The following SLC45A4 variants were observed in gnomAD, a reference collection of about 807,000 sequenced individuals.
The protein encoded by SLC45A4 is polyamine-transporter SLC45A4.
SLC45A4 carries 32 observed loss-of-function variants against 63.7 expected under a neutral mutation model. The ratio of observed to expected loss-of-function variants is 0.50; its 90% CI spans 0.38 to 0.67. The LOEUF (loss-of-function observed/expected upper bound fraction) is 0.67, where lower values mean the gene tolerates loss of function less well. Among genes scored for constraint, SLC45A4 ranks in the 30% least tolerant of loss-of-function variants. SLC45A4 has a pLI of 0.00. For synonymous variants in SLC45A4, 535 were observed against 510.0 expected (o/e 1.05, Z -0.66); for missense variants, 1,027 against 1,157.7 (o/e 0.89, Z 1.64).
At chr8:141,230,897 G>GC (rs1827312662) in intron 2 of SLC45A4, among the ~76,000 whole-genome samples, 1 of 152,202 alleles carries the variant, frequency 6.6e-6, no homozygotes, top group Admixed American at 6.5e-5. Context: ...AACCAGGCCT[G>GC]CCCCACCCGG....
In SLC45A4 at chr8:141,254,983, A is replaced by T. The variant is rs573703778; in HGVS notation, c.-400-354T>A. On this transcript the variant is annotated intron_variant, in intron 1 of 8. Transcript: ENST00000517878. This position sits in a 1 kb window ranked among gnomAD's most constrained non-coding sequence, Gnocchi z 4.5. ...GTAACTATTCCAGCAGGCTGGAGGCAGCTGGCGACACCCTTTGTGGCTGCA... is the reference window on the plus strand; with the variant it reads ...GTAACTATTCCAGCAGGCTGGAGGCTGCTGGCGACACCCTTTGTGGCTGCA... 6.6e-6 allele frequency among the ~76,000 whole-genome samples: 1 copy of T among 152,340 alleles called. No homozygotes were observed. The highest frequency in any genetic ancestry group is 1.5e-5 in the Non-Finnish European group (1 of 68,036).
At chr8:141,285,675 C>T (rs559195597) in intron 1 of SLC45A4, among the ~76,000 whole-genome samples, 6 of 152,336 alleles carry the variant, frequency 3.9e-5, no homozygotes, top group Middle Eastern at 3.4e-3. Context: ...CCTGGGATAA[C>T]GAGGACCAAC....
At chr8:141,257,964 C>T (rs1040470800) in intron 1 of SLC45A4, among the ~76,000 whole-genome samples, 2 of 152,198 alleles carry the variant, frequency 1.3e-5, no homozygotes, top group East Asian at 3.9e-4. Flanking sequence ...AGACCAGACA[C>T]TGAAGCTTTC....
Position 141,211,572 on chromosome 8 carries a change from C to A in SLC45A4, c.2427G>T (p.Ter809TyrextTer66). Residue 809 changes from the stop codon to tyrosine, a stop_lost, in exon 9 of 9, where the codon TAG becomes TAT. Transcript: ENST00000517878. The stretch of plus-strand genomic sequence containing the variant: ...GAGGAAAAGAAGATACGTCATTCTT[C>A]TAAGAGAACCACATTGTGGAAAAGA... Reference protein sequence around the residue: ...KIFFSTMWFS* With the variant: ...KIFFSTMWFSY 1.9e-6 allele frequency: 3 copies of A among 1,613,290 alleles called. No homozygotes were observed. Among genetic ancestry groups the A allele is most frequent in the Non-Finnish European group, 1.7e-6 (2 of 1,179,954 alleles).
At chr8:141,246,570 T>C (rs1455070978) in intron 2 of SLC45A4, among the ~76,000 whole-genome samples, 1 of 152,292 alleles carries the variant, frequency 6.6e-6, no homozygotes, top group African/African-American at 2.4e-5. Context: ...ATCCCCTCGA[T>C]GCTGCCATAT....
At chr8:141,307,686 G>A (rs1454861133) in intron 1 of SLC45A4, among the ~76,000 whole-genome samples, 4 of 152,012 alleles carry the variant, frequency 2.6e-5, no homozygotes, top group Non-Finnish European at 4.4e-5. Context: ...ACAGGGTCAG[G>A]ACCAGGAGTT....
rs1294662175 is a variant in SLC45A4, at chr8:141,219,925, G to A, written c.431-96C>T. 4.1e-6 allele frequency: 5 copies of A among 1,214,038 alleles called. No homozygotes were observed. The Admixed American group carries it at 8.3e-5, about 20-fold the overall frequency. 75.2% of individuals were successfully genotyped at this position (1,214,038 alleles called of 1,614,324 possible). A position where few individuals can be genotyped will look rare whatever the true frequency, so the allele number is the denominator to read the frequency against. ...CACATGGAAGGGGCATGCGGAGGGG[G>A]CACGGCCACAAAACCATGCCAGCCT... On this transcript the variant is annotated intron_variant, in intron 3 of 8. Transcript: ENST00000517878.
intron 2 of SLC45A4, among the ~76,000 whole-genome samples, chr8:141,222,851 A>C (rs1826735550): frequency 6.6e-6 from 1 of 152,216 alleles, no homozygotes; most frequent in Non-Finnish European, 1.5e-5. Context: ...CAGTGGCTGA[A>C]GCGGGGTCGG....
intron 7 of SLC45A4, among the ~76,000 whole-genome samples, chr8:141,213,811 C>A (rs1825977149): frequency 6.6e-6 from 1 of 152,188 alleles, no homozygotes; most frequent in South Asian, 2.1e-4. Context: ...GGTGTTATCA[C>A]TATAGGTTCC....
chr8:141,216,372 G>T (rs557992010), intron 6 of SLC45A4, among the ~76,000 whole-genome samples: 1 of 152,318 alleles, frequency 6.6e-6, no homozygotes, highest in Non-Finnish European at 1.5e-5. Flanking sequence ...ACACATTTTT[G>T]CTGGTTTTTC....
At position 141,254,035 on chromosome 8, in the gene SLC45A4, A is replaced by G; in HGVS notation, c.195T>C (p.Cys65=). 2.0e-6 allele frequency: 3 copies of G among 1,536,132 alleles called. No individual in the cohort carries two copies. The highest frequency in any genetic ancestry group is 2.6e-6 in the Non-Finnish European group (3 of 1,146,904). Residue 65 remains cysteine, a synonymous_variant, in exon 2 of 9, where the codon TGT becomes TGC. Coordinates refer to ENST00000517878, the MANE Select transcript of SLC45A4 (RefSeq NM_001286646.2). This position sits in a 1 kb window ranked among gnomAD's most constrained non-coding sequence, Gnocchi z 4.5. ...HGAVMFGREF[C]YAMETALVTP... ...TGACCAGAGCGGTTTCCATGGCGTAACAGAACTCCCTGCCAAACATCACCG... is the reference window on the plus strand; with the variant it reads ...TGACCAGAGCGGTTTCCATGGCGTAGCAGAACTCCCTGCCAAACATCACCG...
chr8:141,280,837 C>T (rs1187176983), intron 1 of SLC45A4, among the ~76,000 whole-genome samples: 1 of 152,214 alleles, frequency 6.6e-6, no homozygotes, highest in Admixed American at 6.5e-5. Context: ...TGTCCGGGCA[C>T]CTCCCGAAGG....
At chr8:141,249,343 G>A (rs1197147344) in intron 2 of SLC45A4, among the ~76,000 whole-genome samples, 3 of 152,218 alleles carry the variant, frequency 2.0e-5, no homozygotes, top group African/African-American at 4.8e-5. Context: ...CCTGATGAAT[G>A]AAAACAAATG....
chr8:141,266,377 G>A (rs377065463), intron 1 of SLC45A4, among the ~76,000 whole-genome samples: 2 of 152,160 alleles, frequency 1.3e-5, no homozygotes, highest in African/African-American at 4.8e-5. Flanking sequence ...AAACAGGCAT[G>A]AGTAGGGGCA....
At chr8:141,270,380 A>T (rs1351064318) in intron 1 of SLC45A4, among the ~76,000 whole-genome samples, 2 of 14,272 alleles carry the variant, frequency 1.4e-4, no homozygotes, top group African/African-American at 1.1e-3. Flanking sequence ...AAATACATTA[A>T]AAAAAAAAAA....
At chr8:141,298,163 A>G (rs1415264936) in intron 1 of SLC45A4, among the ~76,000 whole-genome samples, 1 of 152,266 alleles carries the variant, frequency 6.6e-6, no homozygotes, top group Non-Finnish European at 1.5e-5. Flanking sequence ...TTCAAAGACT[A>G]GTGAGAGTCA....
At chr8:141,213,428 G>A (rs2154613947) in intron 7 of SLC45A4, among the ~76,000 whole-genome samples, 1 of 152,278 alleles carries the variant, frequency 6.6e-6, no homozygotes, top group Non-Finnish European at 1.5e-5. Flanking sequence ...AGTAACAACA[G>A]GACAACTGGA....
intron 6 of SLC45A4, 138 bp downstream of exon 6, chr8:141,216,952 G>T: frequency 1.3e-6 from 1 of 773,104 alleles, no homozygotes; most frequent in Non-Finnish European, 2.1e-6. Context: ...CTCCCCAAGG[G>T]GTGGCCCTGT....
intron 1 of SLC45A4, among the ~76,000 whole-genome samples, chr8:141,281,503 C>T (rs568646620): frequency 2.6e-5 from 4 of 152,334 alleles, no homozygotes; most frequent in South Asian, 4.1e-4. Flanking sequence ...ACGGACAGAG[C>T]GGTTGCTAAT....
Sources: allele counts gnomAD v4.1 joint callset (sites outside exome capture counted in the v4.1 genomes callset), GRCh38; gene constraint gnomAD v4.1.1; non-coding constraint Gnocchi (gnomAD v3.1); transcripts MANE v1.5; gene names NCBI Gene and HGNC (gene_info 2026-07-23, HGNC 2026-07-21).